Variants in SOX6 observed in about 807,000 individuals in gnomAD.
SOX6 encodes the protein SRY-box transcription factor 6.
In SOX6, 11 loss-of-function variants were observed where a neutral mutation model predicts 97.8. The ratio of observed to expected loss-of-function variants is 0.11; its 90% CI spans 0.07 to 0.19. The LOEUF (loss-of-function observed/expected upper bound fraction) is 0.19. Ranked by LOEUF, SOX6 falls within the 10% of genes least tolerant of loss-of-function variation. SOX6 has a pLI of 1.00. For missense variants in SOX6, 810 were observed against 1,039.5 expected (o/e 0.78, Z 3.04); for synonymous variants, 360 against 371.4 (o/e 0.97, Z 0.35).
chr11:16,085,346 CA>C (rs1208841583), intron 9 of SOX6, among the ~76,000 whole-genome samples: 1 of 152,004 alleles, frequency 6.6e-6, no homozygotes, highest in Non-Finnish European at 1.5e-5. Context: ...TTTTTTAAAG[CA>C]GACCAAGTGA....
chr11:16,259,347 A>C (rs893221822), intron 3 of SOX6, among the ~76,000 whole-genome samples: 21 of 152,202 alleles, frequency 1.4e-4, no homozygotes, highest in African/African-American at 4.8e-4. Flanking sequence ...ATTCTTAAGA[A>C]GTAAATTCTC....
chr11:16,509,966 CG>C lies in SOX6; in HGVS notation n.610-33579del, dbSNP rs373917205. On this transcript the variant is annotated intron_variant and non_coding_transcript_variant, in intron 4 of 5. Coordinates refer to the SOX6 transcript ENST00000524520. ...TAATGCTCTTGAAATCTAACTTTAT[CG>C]TGGCTTTTACGAATATCTCTTTCAT... Among the ~76,000 whole-genome samples the C allele has an allele frequency of 2.9e-3, 438 of 152,146 alleles. 2 individuals carry two copies. The highest frequency in any genetic ancestry group is 0.01 in the African/African-American group (420 of 41,554).
At chr11:16,261,586 G>A (rs1853900118) in intron 3 of SOX6, among the ~76,000 whole-genome samples, 1 of 151,826 alleles carries the variant, frequency 6.6e-6, no homozygotes, top group African/African-American at 2.4e-5. Context: ...TATACTCTGA[G>A]CACTGAAGTT....
intron 3 of SOX6, among the ~76,000 whole-genome samples, chr11:16,643,325 C>T (rs1438062841): frequency 6.6e-6 from 1 of 152,218 alleles, no homozygotes; most frequent in African/African-American, 2.4e-5. Flanking sequence ...TCTGCCCCTA[C>T]TGGGGGGTGC....
chr11:16,188,229 CAAAAA>C (rs5789943), intron 4 of SOX6, among the ~76,000 whole-genome samples: 2 of 113,596 alleles, frequency 1.8e-5, no homozygotes, highest in African/African-American at 6.2e-5. Flanking sequence ...AACTCAGGTC[CAAAAA>C]AAAAAAAAAA....
At chr11:16,304,374 A>T (rs913277124) in intron 3 of SOX6, among the ~76,000 whole-genome samples, 3 of 152,180 alleles carry the variant, frequency 2.0e-5, no homozygotes, top group African/African-American at 7.2e-5. Flanking sequence ...CACCTTCATG[A>T]ATAGGATTGA....
rs1853179077 is a variant in SOX6, at chr11:15,967,700, C to T, written c.*5109G>A. On this transcript the variant is annotated 3_prime_UTR_variant, in exon 16 of 16. Transcript: ENST00000683767. ...GAGCAGACCTGCAATGTGCAGCATACAAAACAGTTAAATATTTGCACATTC... is the reference window on the plus strand; with the variant it reads ...GAGCAGACCTGCAATGTGCAGCATATAAAACAGTTAAATATTTGCACATTC... 1 of 152,176 alleles carries T rather than the reference C, an allele frequency of 6.6e-6. No individual in the cohort carries two copies. The highest frequency in any genetic ancestry group is 2.1e-4 in the South Asian group (1 of 4,826). 9.4% of individuals were successfully genotyped at this position (152,176 alleles called of 1,614,324 possible).
intron 6 of SOX6, among the ~76,000 whole-genome samples, chr11:16,137,077 A>T (rs1408261452): frequency 6.6e-6 from 1 of 152,210 alleles, no homozygotes; most frequent in African/African-American, 2.4e-5. Flanking sequence ...TTGTGTTGCA[A>T]CATTAATCTA....
intron 14 of SOX6, among the ~76,000 whole-genome samples, 190 bp downstream of exon 14, chr11:15,988,807 A>G (rs182960530): frequency 1.1e-4 from 16 of 152,320 alleles, no homozygotes; most frequent in Admixed American, 7.8e-4. Flanking sequence ...CCAAACCTAC[A>G]TGCCACATTA....
intron 3 of SOX6, among the ~76,000 whole-genome samples, chr11:16,654,576 C>A (rs911524464): frequency 6.6e-6 from 1 of 152,128 alleles, no homozygotes; most frequent in African/African-American, 2.4e-5. Context: ...AGACATGAGC[C>A]ACTGCACTCA....
chr11:16,735,430 T>C (rs908255341), intron 2 of SOX6, among the ~76,000 whole-genome samples: 2 of 152,208 alleles, frequency 1.3e-5, no homozygotes, highest in Non-Finnish European at 2.9e-5. Context: ...AGCATTTTAT[T>C]TGTAATTTAC....
intron 4 of SOX6, among the ~76,000 whole-genome samples, chr11:16,192,985 T>C (rs1272742399): frequency 6.6e-6 from 1 of 152,178 alleles, no homozygotes; most frequent in Non-Finnish European, 1.5e-5. Context: ...AGTATTCCCA[T>C]ACCTAGAACT....
At chr11:16,055,383 A>G (rs1297268033) in intron 10 of SOX6, among the ~76,000 whole-genome samples, 1 of 152,118 alleles carries the variant, frequency 6.6e-6, no homozygotes, top group African/African-American at 2.4e-5. Flanking sequence ...CTCTGGTCCT[A>G]TAAGTTAACT....
At chr11:16,372,706 A>T (rs1480535937) in intron 1 of SOX6, among the ~76,000 whole-genome samples, 2 of 152,164 alleles carry the variant, frequency 1.3e-5, no homozygotes, top group African/African-American at 2.4e-5. Context: ...AAGCAAAGTA[A>T]TAAGAGAATA....
chr11:16,453,882 G>A (rs537438186), intron 1 of SOX6, among the ~76,000 whole-genome samples: 62 of 152,122 alleles, frequency 4.1e-4, no homozygotes, highest in African/African-American at 1.2e-3. Flanking sequence ...ATTACTTACC[G>A]CCTCATTTTA....
At chr11:16,383,980 A>G (rs1857904192) in intron 1 of SOX6, among the ~76,000 whole-genome samples, 1 of 152,002 alleles carries the variant, frequency 6.6e-6, no homozygotes, top group Non-Finnish European at 1.5e-5. Context: ...ATGTAGAGAT[A>G]AATAGCCTTA....
At position 16,055,846 on chromosome 11, in the gene SOX6, G is replaced by A. The variant is rs1847801637; in HGVS notation, c.1157C>T (p.Pro386Leu). Residue 386 changes from proline to leucine, a missense_variant, in exon 10 of 16, where the codon CCA becomes CTA. By Grantham distance (98) the Pro-to-Leu change is moderately conservative. Coordinates refer to ENST00000683767, the MANE Select transcript of SOX6 (RefSeq NM_001367873.1). ...TGTGTTTGGTGGCTGTGGAGTTGAT[G>A]GCATCTTTGCTCCAGGTGACACCTG... is the stretch of plus-strand genomic sequence containing the variant. ...SMQVSPGAKM[P>L]STPQPPNTAG... is the part of the protein sequence containing the mutation. 3 of 1,613,662 alleles carry A rather than the reference G, an allele frequency of 1.9e-6. No homozygotes were observed. The highest frequency in any genetic ancestry group is 2.5e-6 in the Non-Finnish European group (3 of 1,179,824).
upstream of SOX6, among the ~76,000 whole-genome samples, chr11:16,360,408 G>T (rs1857181202): frequency 1.3e-5 from 2 of 152,114 alleles, no homozygotes; most frequent in South Asian, 4.2e-4. Context: ...CAAAATATTA[G>T]TTCACCATTG....
intron 6 of SOX6, among the ~76,000 whole-genome samples, chr11:16,160,426 C>A (rs993684267): frequency 6.6e-6 from 1 of 152,158 alleles, no homozygotes; most frequent in Admixed American, 6.5e-5. Context: ...ATTTCTGTGG[C>A]TGGGAAGCAA....
Sources: gnomAD v4.1 joint callset for allele counts (sites outside exome capture counted in the v4.1 genomes callset) on GRCh38, gnomAD v4.1.1 for gene constraint, MANE v1.5 for transcripts, NCBI Gene and HGNC (gene_info 2026-07-23, HGNC 2026-07-21) for gene names.